Variants in SATB2 observed in about 807,000 individuals in gnomAD.
SATB2 encodes SATB homeobox 2.
Under a neutral mutation model 73.4 loss-of-function variants are expected in SATB2, and 1 was observed. That is an observed-to-expected ratio of 0.01 (90% CI 0.00 to 0.06). The LOEUF is 0.06. SATB2 is among the 10% of genes least tolerant of loss of function. The pLI, the probability that SATB2 is intolerant of heterozygous loss-of-function variation, is 1.00. For synonymous variants in SATB2, 397 were observed against 367.0 expected (o/e 1.08, Z -0.93); for missense variants, 459 against 945.8 (o/e 0.49, Z 6.75).
At chr2:199,298,335 G>T (rs764677744) in intron 10 of SATB2, among the ~76,000 whole-genome samples, 26 of 152,118 alleles carry the variant, frequency 1.7e-4, no homozygotes, top group Non-Finnish European at 1.5e-5. Flanking sequence ...TCTTCTGAAG[G>T]TCCAGTGGCC....
At chr2:199,372,930 GA>G (rs1189393109) in intron 5 of SATB2, among the ~76,000 whole-genome samples, 4 of 152,142 alleles carry the variant, frequency 2.6e-5, no homozygotes, top group African/African-American at 9.7e-5. Context: ...GATACACTTA[GA>G]AAAACAGAGA....
At chr2:199,286,688 C>A (rs1269420632) in intron 10 of SATB2, among the ~76,000 whole-genome samples, 35 of 152,162 alleles carry the variant, frequency 2.3e-4, no homozygotes, top group Non-Finnish European at 2.9e-5. Context: ...ATTCTCAGAA[C>A]ACAAAACCTA....
At chr2:199,417,784 T>C (rs1182660332) in intron 3 of SATB2, among the ~76,000 whole-genome samples, 8 of 152,156 alleles carry the variant, frequency 5.3e-5, no homozygotes, top group Non-Finnish European at 8.8e-5. Context: ...TTAAGTACTC[T>C]GAAGAAAAGG....
upstream of SATB2, among the ~76,000 whole-genome samples, chr2:199,466,619 CCAAA>C (rs1692597863): frequency 1.3e-5 from 2 of 152,198 alleles, no homozygotes. Context: ...CTGTCCTCCC[CCAAA>C]CAACCTGTGG....
At chr2:199,438,975 A>G (rs1317722833) in intron 2 of SATB2, among the ~76,000 whole-genome samples, 1 of 152,258 alleles carries the variant, frequency 6.6e-6, no homozygotes, top group African/African-American at 2.4e-5. Flanking sequence ...ACAACACTCC[A>G]GAATCCACAT....
chr2:199,322,237 C>G (rs1257298431), intron 9 of SATB2, among the ~76,000 whole-genome samples: 1 of 152,192 alleles, frequency 6.6e-6, no homozygotes, highest in African/African-American at 2.4e-5. Context: ...CATCAAGTCA[C>G]AACTAAGGGG....
At chr2:199,332,658 T>C (rs1688221272) in intron 7 of SATB2, among the ~76,000 whole-genome samples, 1 of 152,124 alleles carries the variant, frequency 6.6e-6, no homozygotes, top group South Asian at 2.1e-4. Context: ...TATAACAAAT[T>C]AAATGACCTT....
At position 199,456,051 on chromosome 2, in the gene SATB2, G is replaced by C. The variant is rs559398078; in HGVS notation, c.-14C>G. Reference sequence around the variant, plus strand: ...CCGCCGCTCCATGCTGCTCCGACTCGGAGACAAAGTTCCCACCGGCAGGTC... The same window carrying C: ...CCGCCGCTCCATGCTGCTCCGACTCCGAGACAAAGTTCCCACCGGCAGGTC... On this transcript the variant is annotated 5_prime_UTR_variant, in exon 2 of 11. Transcript: ENST00000417098. 4.2e-5 allele frequency: 64 copies of C among 1,532,296 alleles called. No individual in the cohort carries two copies. The highest frequency in any genetic ancestry group is 5.4e-5 in the Non-Finnish European group (62 of 1,143,638). The allele number at this position is 1,532,296 out of a possible 1,614,324, so 94.9% of individuals were successfully genotyped here.
At chr2:199,368,744 GACT>G in intron 5 of SATB2, 37 bp from the exon 6 acceptor site, 11 of 1,243,222 alleles carry the variant, frequency 8.8e-6, no homozygotes, top group Non-Finnish European at 1.2e-5. Flanking sequence ...TTCAAAATAT[GACT>G]ACTTCTTTTT....
chr2:199,270,198 A>G lies in SATB2; in HGVS notation c.*2013T>C, dbSNP rs1692111380. 1 of 152,776 alleles carries G rather than the reference A, an allele frequency of 6.5e-6. No homozygotes were observed. Among genetic ancestry groups the G allele is most frequent in the Admixed American group, 6.5e-5 (1 of 15,282 alleles). 9.5% of individuals were successfully genotyped at this position (152,776 alleles called of 1,614,324 possible). ...AACAACCATCCTTTTGCAAAGGTAT[A>G]TGACGCTTATGTCAAGATAATTTTT... On this transcript the variant is annotated 3_prime_UTR_variant, in exon 11 of 11. Coordinates refer to ENST00000417098, the MANE Select transcript of SATB2 (RefSeq NM_001172509.2).
At chr2:199,436,424 T>TA (rs200573943) in intron 2 of SATB2, among the ~76,000 whole-genome samples, 2,735 of 149,714 alleles carry the variant, frequency 0.018, 79 homozygotes, top group African/African-American at 0.06. Context: ...ATCATCTATT[T>TA]AAAAAAAAAC....
chr2:199,454,056 G>T (rs933576210), intron 2 of SATB2, among the ~76,000 whole-genome samples: 1 of 151,916 alleles, frequency 6.6e-6, no homozygotes, highest in Admixed American at 6.6e-5. Flanking sequence ...AAACACATAA[G>T]GGCTCAAATG....
chr2:199,426,441 A>T (rs764706039), intron 3 of SATB2, among the ~76,000 whole-genome samples: 6 of 151,866 alleles, frequency 4.0e-5, no homozygotes, highest in Non-Finnish European at 8.8e-5. Flanking sequence ...GGTGTGCGCC[A>T]CTGTGCCTGG....
At chr2:199,465,848 T>C (rs1692583367), upstream of SATB2, among the ~76,000 whole-genome samples, 1 of 152,244 alleles carries the variant, frequency 6.6e-6, no homozygotes, top group Admixed American at 6.5e-5. Context: ...GAAGAGTATT[T>C]CTGAATCAGA....
At chr2:199,441,113 C>T (rs140831584) in intron 2 of SATB2, among the ~76,000 whole-genome samples, 1 of 152,098 alleles carries the variant, frequency 6.6e-6, no homozygotes, top group Non-Finnish European at 1.5e-5. Context: ...TCCCAAAGCG[C>T]TGGGATTATA....
At chr2:199,356,838 G>C (rs1688999494) in intron 6 of SATB2, among the ~76,000 whole-genome samples, 1 of 151,944 alleles carries the variant, frequency 6.6e-6, no homozygotes, top group African/African-American at 2.4e-5. Flanking sequence ...GGCATTTCAG[G>C]TAACACCAAG....
At chr2:199,299,768 A>G (rs1687226793) in intron 10 of SATB2, among the ~76,000 whole-genome samples, 1 of 152,142 alleles carries the variant, frequency 6.6e-6, no homozygotes, top group Admixed American at 6.6e-5. Flanking sequence ...CAGGTCTATA[A>G]CTTGAAGCCT....
intron 9 of SATB2, among the ~76,000 whole-genome samples, chr2:199,319,948 A>G (rs560498529): frequency 9.2e-5 from 14 of 152,188 alleles, no homozygotes; most frequent in Middle Eastern, 3.4e-3. Flanking sequence ...CCGTCCCCTG[A>G]GAGCCGCAGA....
At chr2:199,295,899 T>TA (rs1429245204) in intron 10 of SATB2, among the ~76,000 whole-genome samples, 2 of 152,192 alleles carry the variant, frequency 1.3e-5, no homozygotes, top group East Asian at 3.8e-4. Flanking sequence ...CAAGTAATAA[T>TA]AAAATAAATG....
Sources: gnomAD v4.1 joint callset for allele counts (sites outside exome capture counted in the v4.1 genomes callset) on GRCh38, gnomAD v4.1.1 for gene constraint, MANE v1.5 for transcripts, NCBI Gene and HGNC (gene_info 2026-07-23, HGNC 2026-07-21) for gene names.